NIBAN1: variants seen among roughly 807,000 people sequenced by gnomAD.
NIBAN1 encodes niban apoptosis regulator 1.
A neutral mutation model predicts 75.1 loss-of-function variants in NIBAN1; 81 were observed. The observed-to-expected ratio is 1.08, with a 90% CI of 0.90 to 1.30. The LOEUF is 1.30. NIBAN1 is among the 50% of genes most tolerant of loss of function. The probability of loss-of-function intolerance (pLI) is 0.00; values close to 1 mark genes in which losing one functional copy is unlikely to be tolerated. For synonymous variants in NIBAN1, 436 were observed against 424.8 expected, an observed-to-expected ratio of 1.03 and a Z score of -0.32; for missense variants, 1,133 against 1,128.1, an observed-to-expected ratio of 1.00 and a Z score of -0.06.
intron 1 of NIBAN1, among the ~76,000 whole-genome samples, chr1:184,919,893 G>A (rs1657486061): frequency 6.6e-6 from 1 of 150,508 alleles, no homozygotes; most frequent in Admixed American, 6.6e-5. Flanking sequence ...CCTTCAAGCA[G>A]AAGAAATTTC....
At chr1:184,908,969 C>T (rs1571565495) in intron 1 of NIBAN1, among the ~76,000 whole-genome samples, 1 of 152,242 alleles carries the variant, frequency 6.6e-6, no homozygotes. Flanking sequence ...AATGTTTTTG[C>T]CCATTAGACA....
At chr1:184,854,821 A>G (rs576758883) in intron 5 of NIBAN1, among the ~76,000 whole-genome samples, 2 of 152,366 alleles carry the variant, frequency 1.3e-5, no homozygotes, top group East Asian at 3.9e-4. Flanking sequence ...AATAGTGGGT[A>G]CAGACTTGGA....
At chr1:184,815,894 G>A (rs988605695) in intron 9 of NIBAN1, among the ~76,000 whole-genome samples, 1 of 152,324 alleles carries the variant, frequency 6.6e-6, no homozygotes, top group Non-Finnish European at 1.5e-5. Flanking sequence ...AATTAGAAAT[G>A]TCTCCCTCAT....
intron 1 of NIBAN1, among the ~76,000 whole-genome samples, chr1:184,947,079 G>GAAAAAAGAACAAA (rs1553230564): frequency 6.6e-6 from 1 of 150,454 alleles, no homozygotes; most frequent in Admixed American, 6.6e-5. Context: ...ATCTCAAAAA[G>GAAAAAAGAACAAA]AAAAGAAAAG....
chr1:184,795,357 G>T lies in NIBAN1; in HGVS notation c.2407C>A (p.Leu803Ile). Reference sequence around the variant, plus strand: ...ATGGGCCCCAGGGGCTCCTCGGTGAGCCCTCCACTGGCTGGCGGAGAGGCT... The same window carrying T: ...ATGGGCCCCAGGGGCTCCTCGGTGATCCCTCCACTGGCTGGCGGAGAGGCT... ...SPASPPASGGLTEEPLGPMEG... is the reference protein window; with the variant it reads ...SPASPPASGGITEEPLGPMEG... The change falls in exon 14 of 14, where the codon CTC (leucine) becomes ATC (isoleucine). Residue 803 changes from leucine to isoleucine, a missense_variant. Leu to Ile is a conservative substitution (Grantham distance 5). Coordinates refer to ENST00000367511, the MANE Select transcript of NIBAN1 (RefSeq NM_052966.4). 6.2e-7 allele frequency: 1 copy of T among 1,609,216 alleles called. No homozygotes were observed. Among genetic ancestry groups the T allele is most frequent in the Non-Finnish European group, 8.5e-7 (1 of 1,177,752 alleles).
chr1:184,905,630 C>G (rs1657075205), intron 1 of NIBAN1, among the ~76,000 whole-genome samples: 2 of 152,124 alleles, frequency 1.3e-5, no homozygotes. Flanking sequence ...TCAGACCCTT[C>G]AAGCCCACAT....
chr1:184,800,867 A>G (rs1005232797), intron 12 of NIBAN1, among the ~76,000 whole-genome samples: 8 of 152,138 alleles, frequency 5.3e-5, no homozygotes, highest in Non-Finnish European at 1.0e-4. Flanking sequence ...GGGGGTTGGG[A>G]GACTCTGTAG....
chr1:184,952,341 T>G (rs1326684493), intron 1 of NIBAN1, among the ~76,000 whole-genome samples: 1 of 152,056 alleles, frequency 6.6e-6, no homozygotes, highest in Non-Finnish European at 1.5e-5. Flanking sequence ...CAGACAGAGG[T>G]TGCAGTGAGC....
At chr1:184,830,319 C>T (rs981401184) in intron 6 of NIBAN1, among the ~76,000 whole-genome samples, 21 of 152,206 alleles carry the variant, frequency 1.4e-4, no homozygotes, top group Admixed American at 1.4e-3. Flanking sequence ...GTGCTTCAGC[C>T]TCCCCTTCTG....
At chr1:184,828,268 G>T (rs1363869427) in intron 6 of NIBAN1, among the ~76,000 whole-genome samples, 1 of 152,120 alleles carries the variant, frequency 6.6e-6, no homozygotes, top group Non-Finnish European at 1.5e-5. Context: ...TTCCATTCTT[G>T]CTGTGTGAGT....
intron 1 of NIBAN1, among the ~76,000 whole-genome samples, chr1:184,906,418 G>A (rs113721471): frequency 0.021 from 3,126 of 152,140 alleles, 53 homozygotes; most frequent in Non-Finnish European, 0.031. Flanking sequence ...ATCACCTGAG[G>A]TCAGAAGTTC....
intron 5 of NIBAN1, 43 bp from the exon 6 acceptor site, chr1:184,832,005 T>C: frequency 1.4e-6 from 2 of 1,419,502 alleles, no homozygotes; most frequent in African/African-American, 1.4e-5. Context: ...TAAAACACTC[T>C]AGATTTCCCC....
chr1:184,952,968 C>T (rs1658396537), intron 1 of NIBAN1, among the ~76,000 whole-genome samples: 1 of 152,168 alleles, frequency 6.6e-6, no homozygotes, highest in Non-Finnish European at 1.5e-5. Flanking sequence ...TATAGAAATT[C>T]AGTTCTGATT....
intron 1 of NIBAN1, among the ~76,000 whole-genome samples, chr1:184,906,559 G>A (rs1021392394): frequency 6.6e-6 from 1 of 152,126 alleles, no homozygotes; most frequent in Admixed American, 6.5e-5. Flanking sequence ...GAATCAGGGA[G>A]GCGGAGGTTG....
chr1:184,964,495 A>G (rs1470608714), intron 1 of NIBAN1, among the ~76,000 whole-genome samples: 1 of 152,224 alleles, frequency 6.6e-6, no homozygotes, highest in Non-Finnish European at 1.5e-5. Context: ...TTCTTCTACT[A>G]CATACTGGCT....
At chr1:184,798,946 T>C (rs1557868012) in intron 12 of NIBAN1, among the ~76,000 whole-genome samples, 1 of 152,214 alleles carries the variant, frequency 6.6e-6, no homozygotes, top group Non-Finnish European at 1.5e-5. Flanking sequence ...GTATTCATTA[T>C]ATGGATAAAC....
At chr1:184,857,482 A>C (rs1430690170) in intron 5 of NIBAN1, among the ~76,000 whole-genome samples, 1 of 152,222 alleles carries the variant, frequency 6.6e-6, no homozygotes, top group African/African-American at 2.4e-5. Flanking sequence ...ATAATTTATA[A>C]ATTGATTGTA....
At chr1:184,880,916 G>A (rs144242193) in intron 5 of NIBAN1, among the ~76,000 whole-genome samples, 55 of 152,232 alleles carry the variant, frequency 3.6e-4, no homozygotes, top group African/African-American at 1.3e-3. Context: ...ACTCCAAAAG[G>A]GACAGAGGAC....
chr1:184,892,171 T>C (rs916216908), intron 3 of NIBAN1, among the ~76,000 whole-genome samples: 4 of 152,166 alleles, frequency 2.6e-5, no homozygotes, highest in Non-Finnish European at 5.9e-5. Flanking sequence ...GTAGTAATCA[T>C]ACCAGCAACT....
Sources: allele counts gnomAD v4.1 joint callset (sites outside exome capture counted in the v4.1 genomes callset), GRCh38; gene constraint gnomAD v4.1.1; transcripts MANE v1.5; gene names NCBI Gene and HGNC (gene_info 2026-07-23, HGNC 2026-07-21).